The following SCARB2 variants were observed in gnomAD, a reference collection of about 807,000 sequenced individuals.
SCARB2 encodes scavenger receptor class B member 2.
In SCARB2, 29 loss-of-function variants were observed where a neutral mutation model predicts 58.6. The ratio of observed to expected loss-of-function variants is 0.49; its 90% confidence interval spans 0.37 to 0.67. The LOEUF is 0.67. Ranked by LOEUF, SCARB2 falls within the 30% of genes least tolerant of loss-of-function variation. The pLI is 0.00. For missense variants in SCARB2, 488 were observed against 578.5 expected, an observed-to-expected ratio of 0.84 and a Z score of 1.60; for synonymous variants, 195 against 210.1, an observed-to-expected ratio of 0.93 and a Z score of 0.62.
intron 6 of SCARB2, chr4:76,174,924 C>CTG (rs1264392624): frequency 6.3e-6 from 1 of 158,268 alleles, no homozygotes; most frequent in Non-Finnish European, 1.4e-5. Context: ...AATATGACCA[C>CTG]TGCTTACACT....
chr4:76,186,581 A>C (rs1732492320), intron 2 of SCARB2, among the ~76,000 whole-genome samples: 1 of 152,174 alleles, frequency 6.6e-6, no homozygotes, highest in Admixed American at 6.6e-5. Flanking sequence ...AAGAAGTGGT[A>C]AGAGCAGGGT....
intron 2 of SCARB2, among the ~76,000 whole-genome samples, chr4:76,181,645 G>A (rs1016101813): frequency 1.3e-5 from 2 of 152,056 alleles, no homozygotes; most frequent in African/African-American, 4.8e-5. Flanking sequence ...GCTCACTGCA[G>A]CCTCAGCCTC....
At chr4:76,214,691 A>G (rs1733166350), upstream of SCARB2, among the ~76,000 whole-genome samples, 1 of 152,230 alleles carries the variant, frequency 6.6e-6, no homozygotes, top group South Asian at 2.1e-4. Flanking sequence ...CCAGGACTCA[A>G]GAAGTGTTCG....
chr4:76,161,645 G>C lies in SCARB2; in HGVS notation c.*68C>G, dbSNP rs1165854889. ...GGCAACAAGCCTGCAAGGAGGTGGA[G>C]GGTTTCCCCACGTCATCGTCCAGGT... On this transcript the variant is annotated 3_prime_UTR_variant, in exon 12 of 12. Transcript: ENST00000264896. The C allele has an allele frequency of 4.6e-6, 7 of 1,532,520 alleles. No individual in the cohort carries two copies. Among genetic ancestry groups the C allele is most frequent in the Non-Finnish European group, 4.5e-6 (5 of 1,105,846 alleles). The allele number at this position is 1,532,520 out of a possible 1,614,324, so 94.9% of individuals were successfully genotyped here. A position where few individuals can be genotyped will look rare whatever the true frequency, so the allele number is the denominator to read the frequency against.
In SCARB2 at chr4:76,228,466, A is replaced by G. The variant is rs544261250; in HGVS notation, c.-358+5837T>C. Among the ~76,000 whole-genome samples the G allele has an allele frequency of 3.3e-5, 5 of 151,688 alleles. No individual in the cohort carries two copies. The South Asian group carries it at 8.4e-4, about 25-fold the overall frequency. ...TGCACTCCAGCCTGGGCGATGGAGT[A>G]AGCCTCCATCTTAAAAAAAAAAAAA... On this transcript the variant is annotated intron_variant, in intron 1 of 11. Coordinates refer to the SCARB2 transcript ENST00000638295.
intron 1 of SCARB2, among the ~76,000 whole-genome samples, chr4:76,229,109 A>G (rs1255491630): frequency 1.3e-5 from 2 of 151,852 alleles, no homozygotes; most frequent in African/African-American, 4.8e-5. Flanking sequence ...TCTTTCTTCT[A>G]CTTGTTCTAT....
chr4:76,202,489 G>A (rs143785720), intron 1 of SCARB2, among the ~76,000 whole-genome samples: 1 of 152,276 alleles, frequency 6.6e-6, no homozygotes, highest in Non-Finnish European at 1.5e-5. Flanking sequence ...TTGAACTCCT[G>A]ATCTCAGGTG....
At chr4:76,233,790 T>C (rs1733534321) in intron 1 of SCARB2, among the ~76,000 whole-genome samples, 1 of 152,000 alleles carries the variant, frequency 6.6e-6, no homozygotes, top group Non-Finnish European at 1.5e-5. Flanking sequence ...GTGCCCCCAA[T>C]ATGTAAAACC....
At chr4:76,181,389 G>A (rs756117676) in intron 2 of SCARB2, among the ~76,000 whole-genome samples, 9 of 152,300 alleles carry the variant, frequency 5.9e-5, no homozygotes, top group Non-Finnish European at 1.3e-4. Context: ...CAAAGCCGAT[G>A]AACTCTCTCC....
At chr4:76,213,322 G>C (rs1377723438) in intron 1 of SCARB2, 105 bp downstream of exon 1, 3 of 795,596 alleles carry the variant, frequency 3.8e-6, no homozygotes, top group African/African-American at 3.4e-5. Flanking sequence ...CTCTAGCGCG[G>C]AGGGTCTGCC....
intron 3 of SCARB2, chr4:76,180,019 G>A (rs1275785608): frequency 1.5e-5 from 6 of 400,210 alleles, no homozygotes; most frequent in South Asian, 8.8e-5. Context: ...ACAAGGTGGC[G>A]CTACCTTCCG....
At chr4:76,229,110 C>T (rs905869635) in intron 1 of SCARB2, among the ~76,000 whole-genome samples, 6 of 152,078 alleles carry the variant, frequency 3.9e-5, no homozygotes, top group African/African-American at 1.4e-4. Context: ...CTTTCTTCTA[C>T]TTGTTCTATT....
chr4:76,185,005 G>A (rs576184656), intron 2 of SCARB2, among the ~76,000 whole-genome samples: 5 of 152,176 alleles, frequency 3.3e-5, no homozygotes, highest in African/African-American at 1.2e-4. Context: ...ATTAGCCAGA[G>A]GTAGTTTATT....
intron 6 of SCARB2, chr4:76,174,772 C>T (rs1409388098): frequency 6.0e-6 from 1 of 165,666 alleles, no homozygotes; most frequent in Non-Finnish European, 1.3e-5. Flanking sequence ...TGGACAGATA[C>T]TTTATTGGAA....
At chr4:76,218,029 A>G (rs1733244474), upstream of SCARB2, among the ~76,000 whole-genome samples, 1 of 152,238 alleles carries the variant, frequency 6.6e-6, no homozygotes, top group South Asian at 2.1e-4. Context: ...AAATATAAAC[A>G]TTTAAAATAC....
chr4:76,161,382 A>T lies in SCARB2; in HGVS notation c.*331T>A, dbSNP rs1231470824. 5 of 392,346 alleles carry T rather than the reference A, an allele frequency of 1.3e-5. No homozygotes were observed. The East Asian group carries it at 2.6e-4, about 20-fold the overall frequency. 24.3% of individuals were successfully genotyped at this position (392,346 alleles called of 1,614,324 possible). A position where few individuals can be genotyped will look rare whatever the true frequency, so the allele number is the denominator to read the frequency against. On this transcript the variant is annotated 3_prime_UTR_variant, in exon 12 of 12. Transcript: ENST00000264896. ...GTTAGACCAGTAGCATTAACAAGTGATGCAGAGACATTTTACCCACAATAG... is the reference window on the plus strand; with the variant it reads ...GTTAGACCAGTAGCATTAACAAGTGTTGCAGAGACATTTTACCCACAATAG...
At position 76,159,719 on chromosome 4, in the gene SCARB2, A is replaced by C. The variant is rs1018562340; in HGVS notation, c.*1994T>G. ...CCTGGCGACAGAGTGAGACTCTCTC[A>C]AAAAAAAAAGAATCATGACACAAGT... On this transcript the variant is annotated 3_prime_UTR_variant, in exon 12 of 12. Coordinates refer to ENST00000264896, the MANE Select transcript of SCARB2 (RefSeq NM_005506.4). The C allele has an allele frequency of 2.7e-5, 4 of 149,598 alleles. No homozygotes were observed. Among genetic ancestry groups the C allele is most frequent in the African/African-American group, 9.8e-5 (4 of 40,798 alleles). 9.3% of individuals were successfully genotyped at this position (149,598 alleles called of 1,614,324 possible). A position where few individuals can be genotyped will look rare whatever the true frequency, so the allele number is the denominator to read the frequency against.
chr4:76,180,318 A>C (rs1211768714), intron 3 of SCARB2: 1 of 152,676 alleles, frequency 6.5e-6, no homozygotes, highest in African/African-American at 2.4e-5. Flanking sequence ...GGAGCCACTG[A>C]CTGCACTCCA....
At chr4:76,167,292 CA>C (rs1172180177) in intron 9 of SCARB2, among the ~76,000 whole-genome samples, 2 of 152,126 alleles carry the variant, frequency 1.3e-5, no homozygotes, top group African/African-American at 2.4e-5. Context: ...CTTGTTCCCC[CA>C]AATCTCAGGG....
Sources: gnomAD v4.1 joint callset for allele counts (sites outside exome capture counted in the v4.1 genomes callset) on GRCh38, gnomAD v4.1.1 for gene constraint, MANE v1.5 for transcripts, NCBI Gene and HGNC (gene_info 2026-07-23, HGNC 2026-07-21) for gene names.